Variants in PPARGC1A observed in about 807,000 individuals in gnomAD.
PPARGC1A encodes the protein PPARG coactivator 1 alpha.
In PPARGC1A, 25 loss-of-function variants were observed where a neutral mutation model predicts 88.7. That is an observed-to-expected ratio of 0.28 (90% CI 0.21 to 0.39). PPARGC1A has a LOEUF of 0.39. Among genes scored for constraint, PPARGC1A ranks in the 10% least tolerant of loss-of-function variants. The pLI is 1.00. For missense variants in PPARGC1A, 880 were observed against 968.7 expected (o/e 0.91, Z 1.22); for synonymous variants, 363 against 355.6 (o/e 1.02, Z -0.24).
the PPARGC1A span, among the ~76,000 whole-genome samples, chr4:23,960,426 C>T: frequency 5.9e-5 from 9 of 152,188 alleles, no homozygotes; most frequent in African/African-American, 2.2e-4. Context: ...TCAAGAAACC[C>T]TTCTCTAGAA....
chr4:24,198,662 C>T, the PPARGC1A span, among the ~76,000 whole-genome samples: 4 of 152,140 alleles, frequency 2.6e-5, no homozygotes, highest in Middle Eastern at 3.2e-3. Flanking sequence ...GTTCCTCGAG[C>T]CTAAGGCCAG....
At chr4:23,803,343 G>C (rs942782791) in intron 10 of PPARGC1A, among the ~76,000 whole-genome samples, 1 of 152,122 alleles carries the variant, frequency 6.6e-6, no homozygotes, top group Non-Finnish European at 1.5e-5. Flanking sequence ...TTTAAGCCAT[G>C]AGTCTCCGAA....
the PPARGC1A span, among the ~76,000 whole-genome samples, chr4:24,447,551 A>T: frequency 6.6e-6 from 1 of 152,232 alleles, no homozygotes; most frequent in Non-Finnish European, 1.5e-5. Flanking sequence ...GTCCCACTTC[A>T]CAGGAGATGT....
In PPARGC1A at chr4:23,814,432, G is replaced by A; in HGVS notation, c.1051C>T (p.Gln351Ter). ...CTGAGTTGTGCATACAACTCGGATTGCTCCGGCCCTTTCTTGGTGGAGTTA... is the reference window on the plus strand; with the variant it reads ...CTGAGTTGTGCATACAACTCGGATTACTCCGGCCCTTTCTTGGTGGAGTTA... ...GNNSTKKGPE[Q>*]SELYAQLSKS... is the part of the protein sequence containing the mutation. The change falls in exon 8 of 13, where the codon CAA becomes TAA. Residue 351 changes from glutamine (Q) to a stop codon, truncating the protein, a stop_gained. Coordinates refer to ENST00000264867, the MANE Select transcript of PPARGC1A (RefSeq NM_013261.5). LOFTEE classifies it high-confidence loss of function. 3.7e-6 allele frequency: 6 copies of A among 1,613,760 alleles called. No individual in the cohort carries two copies. Among genetic ancestry groups the A allele is most frequent in the Non-Finnish European group, 5.1e-6 (6 of 1,179,900 alleles).
the PPARGC1A span, among the ~76,000 whole-genome samples, chr4:24,221,068 C>T: frequency 2.6e-5 from 4 of 151,980 alleles, no homozygotes; most frequent in African/African-American, 9.7e-5. Flanking sequence ...CAAAATAAAT[C>T]GTAATTCATT....
chr4:24,041,197 C>T, the PPARGC1A span, among the ~76,000 whole-genome samples: 3 of 152,150 alleles, frequency 2.0e-5, no homozygotes, highest in Non-Finnish European at 4.4e-5. Flanking sequence ...GCTTTCTTGC[C>T]TTCCACATCT....
chr4:24,398,189 A>C, the PPARGC1A span, among the ~76,000 whole-genome samples: 1 of 152,202 alleles, frequency 6.6e-6, no homozygotes, highest in East Asian at 1.9e-4. Context: ...TATTATATAG[A>C]AAAAAAGATA....
intron 3 of PPARGC1A, 66 bp downstream of exon 3, chr4:23,831,491 C>A (rs553282095): frequency 1.9e-5 from 27 of 1,402,210 alleles, no homozygotes; most frequent in Non-Finnish European, 2.6e-5. Flanking sequence ...GTGACTACAT[C>A]ATACCCATGC....
intron 2 of PPARGC1A, among the ~76,000 whole-genome samples, chr4:23,838,227 T>C (rs1056391796): frequency 1.3e-5 from 2 of 152,158 alleles, no homozygotes; most frequent in Non-Finnish European, 2.9e-5. Context: ...CTTTCTCCTC[T>C]AAAATCTCTG....
the PPARGC1A span, among the ~76,000 whole-genome samples, chr4:23,989,055 A>C: frequency 1.3e-5 from 2 of 151,024 alleles, no homozygotes; most frequent in African/African-American, 2.4e-5. Context: ...CAAATCTTAC[A>C]TTTGGACATT....
the PPARGC1A span, among the ~76,000 whole-genome samples, chr4:24,359,373 C>T: frequency 3.5e-3 from 532 of 152,210 alleles, 1 homozygote; most frequent in Non-Finnish European, 5.0e-3. Context: ...TGTAAAGATG[C>T]CTCCACCATT....
chr4:24,213,687 G>A, the PPARGC1A span, among the ~76,000 whole-genome samples: 1 of 152,174 alleles, frequency 6.6e-6, no homozygotes, highest in Non-Finnish European at 1.5e-5. Context: ...GCATACACAC[G>A]TACATGCATA....
At chr4:24,388,806 C>T in the PPARGC1A span, among the ~76,000 whole-genome samples, 3 of 151,440 alleles carry the variant, frequency 2.0e-5, no homozygotes, top group African/African-American at 4.9e-5. Context: ...ACATCACACA[C>T]TGGAGCCTGT....
chr4:23,913,664 T>C, the PPARGC1A span, among the ~76,000 whole-genome samples: 1 of 152,228 alleles, frequency 6.6e-6, no homozygotes, highest in East Asian at 1.9e-4. Context: ...AATTATGTTC[T>C]TAGGTCTTAA....
the PPARGC1A span, among the ~76,000 whole-genome samples, chr4:23,941,730 G>C: frequency 6.6e-6 from 1 of 152,082 alleles, no homozygotes. Flanking sequence ...TCACCACCAG[G>C]TGGGCTTCAG....
chr4:23,988,147 T>C, the PPARGC1A span, among the ~76,000 whole-genome samples: 1 of 152,120 alleles, frequency 6.6e-6, no homozygotes, highest in Admixed American at 6.6e-5. Flanking sequence ...TAGTGTTCCA[T>C]GGTGTATATG....
the PPARGC1A span, among the ~76,000 whole-genome samples, chr4:24,145,862 C>A: frequency 1.3e-5 from 2 of 152,056 alleles, no homozygotes; most frequent in Non-Finnish European, 2.9e-5. Flanking sequence ...GTCATTAGTG[C>A]CTGTAAGTGG....
the PPARGC1A span, among the ~76,000 whole-genome samples, chr4:24,216,402 C>A: frequency 6.6e-6 from 1 of 152,120 alleles, no homozygotes; most frequent in Non-Finnish European, 1.5e-5. Flanking sequence ...CCCACCTCAG[C>A]CTCCCAAAGT....
chr4:23,826,564 C>T (rs1332441872), intron 5 of PPARGC1A, among the ~76,000 whole-genome samples: 12 of 152,164 alleles, frequency 7.9e-5, no homozygotes, highest in African/African-American at 9.6e-5. Flanking sequence ...TAATTTCAAT[C>T]GATCCTCCTA....
Sources: gnomAD v4.1 joint callset for allele counts (sites outside exome capture counted in the v4.1 genomes callset) on GRCh38, gnomAD v4.1.1 for gene constraint, MANE v1.5 for transcripts, NCBI Gene and HGNC (gene_info 2026-07-23, HGNC 2026-07-21) for gene names.